CPSF4L: variants seen among roughly 807,000 people sequenced by gnomAD.
The protein encoded by CPSF4L is cleavage and polyadenylation specific factor 4 like, also known as putative cleavage and polyadenylation specificity factor subunit 4-like protein.
Under a neutral mutation model 24.0 loss-of-function variants are expected in CPSF4L, and 18 were observed. That is an observed-to-expected ratio of 0.75 (90% CI 0.52 to 1.11). The LOEUF (loss-of-function observed/expected upper bound fraction) is 1.11, where lower values mean the gene tolerates loss of function less well. Ranked by LOEUF, CPSF4L falls within the 50% of genes least tolerant of loss-of-function variation. CPSF4L has a pLI of 0.00. For missense variants in CPSF4L, 211 were observed against 221.8 expected (o/e 0.95, Z 0.31); for synonymous variants, 72 against 77.2 (o/e 0.93, Z 0.35).
At chr17:73,258,440 G>GTCTTGAGC (rs2062031977) in intron 2 of CPSF4L, among the ~76,000 whole-genome samples, 1 of 151,918 alleles carries the variant, frequency 6.6e-6, no homozygotes, top group Non-Finnish European at 1.5e-5. Flanking sequence ...CAAGTAGCTG[G>GTCTTGAGC]GATTACACCT....
chr17:73,254,750 TCTC>T (rs2062018011), intron 3 of CPSF4L, among the ~76,000 whole-genome samples: 1 of 152,124 alleles, frequency 6.6e-6, no homozygotes, highest in Non-Finnish European at 1.5e-5. Flanking sequence ...TTCAAGCAAT[TCTC>T]CTGCTTCAAC....
downstream of CPSF4L, chr17:73,245,220 G>A: frequency 6.2e-7 from 1 of 1,613,054 alleles, no homozygotes; most frequent in South Asian, 1.1e-5. Context: ...TAAAGCTCTG[G>A]AACAGCAAAG....
chr17:73,259,070 T>G (rs965908640), intron 2 of CPSF4L, among the ~76,000 whole-genome samples: 5 of 152,258 alleles, frequency 3.3e-5, no homozygotes, highest in African/African-American at 9.6e-5. Flanking sequence ...AGACAGGATC[T>G]TAGTCTGTTG....
At chr17:73,256,683 A>C (rs1027259013) in intron 3 of CPSF4L, among the ~76,000 whole-genome samples, 1 of 152,220 alleles carries the variant, frequency 6.6e-6, no homozygotes, top group Non-Finnish European at 1.5e-5. Context: ...TCCTTTCTTA[A>C]GTAAGCGGGA....
At chr17:73,242,919 A>G in the CPSF4L span, 2 of 1,613,948 alleles carry the variant, frequency 1.2e-6, no homozygotes, top group South Asian at 1.1e-5. Flanking sequence ...CAACACCACC[A>G]TAAGGAAGAG....
At chr17:73,246,477 A>G (rs1434247525), downstream of CPSF4L, among the ~76,000 whole-genome samples, 3 of 152,222 alleles carry the variant, frequency 2.0e-5, no homozygotes, top group Non-Finnish European at 4.4e-5. Flanking sequence ...CGGAGGCTGC[A>G]GTGAGCTGAG....
At chr17:73,261,279 G>A (rs926402697) in intron 1 of CPSF4L, among the ~76,000 whole-genome samples, 4 of 152,220 alleles carry the variant, frequency 2.6e-5, no homozygotes, top group African/African-American at 9.6e-5. Context: ...TCTCAGTCTG[G>A]AAAATGGGTT....
chr17:73,260,799 G>T, intron 2 of CPSF4L, 134 bp downstream of exon 2: 1 of 557,034 alleles, frequency 1.8e-6, no homozygotes, highest in Non-Finnish European at 3.2e-6. Flanking sequence ...ATAAAATTCC[G>T]TTCCATCCCA....
chr17:73,242,877 C>T, the CPSF4L span: 844,946 of 1,596,442 alleles, frequency 0.53, 224,813 homozygotes, highest in East Asian at 0.64. Flanking sequence ...AACAACAAGC[C>T]GTGTTTCCTT....
At chr17:73,251,644 T>G (rs1246388814) in intron 5 of CPSF4L, among the ~76,000 whole-genome samples, 1 of 152,262 alleles carries the variant, frequency 6.6e-6, no homozygotes, top group Non-Finnish European at 1.5e-5. Context: ...AAACCCTTTA[T>G]GAGCACTGGA....
chr17:73,243,093 T>TTC, the CPSF4L span: 2 of 991,218 alleles, frequency 2.0e-6, no homozygotes, highest in African/African-American at 3.4e-5. Flanking sequence ...TTTTTTTTTT[T>TTC]TTTTTTTTAC....
intron 2 of CPSF4L, among the ~76,000 whole-genome samples, chr17:73,258,670 G>A (rs955854572): frequency 3.3e-5 from 5 of 152,052 alleles, no homozygotes; most frequent in Non-Finnish European, 7.4e-5. Flanking sequence ...CCATCTGCCT[G>A]GAGTGCCATG....
upstream of CPSF4L, chr17:73,262,287 G>A (rs2062050298): frequency 6.5e-6 from 1 of 154,890 alleles, no homozygotes; most frequent in African/African-American, 2.4e-5. Context: ...CAGAGGGAGG[G>A]AGCCGTCCCA....
At chr17:73,252,511 G>T in intron 5 of CPSF4L, 119 bp downstream of exon 5, 2 of 702,572 alleles carry the variant, frequency 2.8e-6, no homozygotes, top group Non-Finnish European at 5.1e-6. Flanking sequence ...ATACTGGAGC[G>T]GATGCTTGCC....
At position 73,260,916 on chromosome 17, in the gene CPSF4L, C is replaced by T; in HGVS notation, c.154+17G>A. Reference sequence around the variant, plus strand: ...ACACTCACCCAGCTTGGGGCCCAGGCCTGTCTGCTAACTCACCTTTCTCAC... The same window carrying T: ...ACACTCACCCAGCTTGGGGCCCAGGTCTGTCTGCTAACTCACCTTTCTCAC... On this transcript the variant is annotated intron_variant, in intron 2 of 5. Coordinates refer to ENST00000344935, the MANE Select transcript of CPSF4L (RefSeq NM_001129885.1). 2 of 1,549,412 alleles carry T rather than the reference C, an allele frequency of 1.3e-6. No homozygotes were observed. The highest frequency in any genetic ancestry group is 8.7e-7 in the Non-Finnish European group (1 of 1,145,164).
downstream of CPSF4L, chr17:73,247,873 A>G (rs1300285359): frequency 6.4e-6 from 1 of 155,450 alleles, no homozygotes; most frequent in Non-Finnish European, 1.4e-5. Flanking sequence ...TTCTGGGATG[A>G]CTTGTAAATG....
chr17:73,257,473 A>AG (rs1346453462), intron 3 of CPSF4L, among the ~76,000 whole-genome samples: 1 of 151,046 alleles, frequency 6.6e-6, no homozygotes, highest in Admixed American at 6.6e-5. Context: ...ACCTTGATCC[A>AG]GGGGGCAGTA....
At chr17:73,245,313 AAAT>A, downstream of CPSF4L, 1 of 1,420,924 alleles carries the variant, frequency 7.0e-7, no homozygotes, top group Non-Finnish European at 9.3e-7. Context: ...GGAGTGAAAA[AAAT>A]AAAGAATAAA....
downstream of CPSF4L, among the ~76,000 whole-genome samples, chr17:73,244,006 A>G (rs1287420928): frequency 2.0e-5 from 3 of 152,212 alleles, no homozygotes; most frequent in Non-Finnish European, 4.4e-5. Context: ...TCACTTACCA[A>G]TGTGTCTAAG....
Sources: allele counts gnomAD v4.1 joint callset (sites outside exome capture counted in the v4.1 genomes callset), GRCh38; gene constraint gnomAD v4.1.1; transcripts MANE v1.5; gene names NCBI Gene and HGNC (gene_info 2026-07-23, HGNC 2026-07-21).